SPACA7: variants seen among roughly 807,000 people sequenced by gnomAD.
The protein encoded by SPACA7 is sperm acrosome associated 7.
A neutral mutation model predicts 26.3 loss-of-function variants in SPACA7; 19 were observed. That is an observed-to-expected ratio of 0.72 (90% confidence interval 0.50 to 1.06). The LOEUF (loss-of-function observed/expected upper bound fraction) is 1.06, where lower values mean the gene tolerates loss of function less well. Ranked by LOEUF, SPACA7 falls within the 50% of genes least tolerant of loss-of-function variation. SPACA7 has a pLI of 0.00. For synonymous variants in SPACA7, 84 were observed against 84.5 expected (o/e 0.99, Z 0.04); for missense variants, 211 against 229.9 (o/e 0.92, Z 0.53).
chr13:112,378,708 G>C (rs894928374), intron 1 of SPACA7: 2 of 471,046 alleles, frequency 4.2e-6, no homozygotes, highest in Non-Finnish European at 8.8e-6. Flanking sequence ...CTGTGGGATG[G>C]GGACCCGGTG....
At chr13:112,400,475 G>GC (rs1222602614) in intron 4 of SPACA7, among the ~76,000 whole-genome samples, 1 of 152,128 alleles carries the variant, frequency 6.6e-6, no homozygotes, top group Non-Finnish European at 1.5e-5. Flanking sequence ...GTATTCGGTT[G>GC]CTTATTACTG....
chr13:112,405,026 A>G (rs904316761), intron 5 of SPACA7, among the ~76,000 whole-genome samples: 1 of 129,240 alleles, frequency 7.7e-6, no homozygotes, highest in South Asian at 2.5e-4. Context: ...TGTGTCGCCC[A>G]GGCAGGAGTG....
intron 5 of SPACA7, among the ~76,000 whole-genome samples, chr13:112,406,463 A>G (rs553436571): frequency 5.0e-4 from 76 of 152,370 alleles, no homozygotes; most frequent in Non-Finnish European, 9.6e-4. Flanking sequence ...TGGAAATTAC[A>G]TATCTGATAG....
intron 4 of SPACA7, 34 bp from the exon 5 acceptor site, chr13:112,401,035 A>AT: frequency 1.3e-6 from 2 of 1,529,362 alleles, no homozygotes; most frequent in Non-Finnish European, 9.1e-7. Context: ...AATCAAGGAC[A>AT]TTTTCCCCAT....
chr13:112,414,388 CTTTTTTTTTTTTTTTTTTTTTTTT>C (rs869183760), intron 5 of SPACA7, among the ~76,000 whole-genome samples: 3 of 31,396 alleles, frequency 9.6e-5, no homozygotes, highest in Non-Finnish European at 1.7e-4. Flanking sequence ...TTTTCTGTGT[CTTTTTTTTTTTTTTTTTTTTTTTT>C]TTTTTTTTTT....
intron 5 of SPACA7, among the ~76,000 whole-genome samples, chr13:112,407,220 A>G (rs1242043309): frequency 1.3e-5 from 2 of 152,170 alleles, no homozygotes; most frequent in Admixed American, 1.3e-4. Context: ...TTAAAGCAGT[A>G]TGTAGAGGGA....
intron 1 of SPACA7, among the ~76,000 whole-genome samples, chr13:112,379,860 GATC>G (rs1447785224): frequency 6.6e-6 from 1 of 152,104 alleles, no homozygotes; most frequent in Non-Finnish European, 1.5e-5. Flanking sequence ...GGTTAAATAG[GATC>G]ATAAGTTACT....
chr13:112,427,208 C>G (rs1053077783), intron 5 of SPACA7, among the ~76,000 whole-genome samples: 2 of 152,146 alleles, frequency 1.3e-5, no homozygotes, highest in Non-Finnish European at 2.9e-5. Context: ...CTCTGTTCCT[C>G]GAGCCTGCCA....
At chr13:112,395,247 A>G (rs9577356) in intron 2 of SPACA7, among the ~76,000 whole-genome samples, 16,536 of 152,166 alleles carry the variant, frequency 0.11, 2,150 homozygotes, top group African/African-American at 0.3. Context: ...GTGAGGGAGC[A>G]TGTGTGGCTT....
chr13:112,388,999 A>G (rs1884709350), intron 1 of SPACA7, among the ~76,000 whole-genome samples: 1 of 152,136 alleles, frequency 6.6e-6, no homozygotes. Context: ...TATCTCAAGC[A>G]CTGATCTTAG....
Position 112,418,556 on chromosome 13 carries a change from T to C in SPACA7, c.446-13888T>C, listed in dbSNP as rs575500200. ...TAGCTAATCTGTGAAACCAGCATGA[T>C]AGGAAGTCTCATCTGGTGACACTTT... is the stretch of plus-strand genomic sequence containing the variant. On this transcript the variant is annotated intron_variant, in intron 5 of 6. Transcript: ENST00000283550. Among the ~76,000 whole-genome samples, 15 of 152,274 alleles carry C rather than the reference T, an allele frequency of 9.9e-5. No homozygotes were observed. The South Asian group carries it at 3.1e-3, about 32-fold the overall frequency.
intron 5 of SPACA7, among the ~76,000 whole-genome samples, chr13:112,424,760 G>A (rs1422868209): frequency 6.6e-6 from 1 of 152,126 alleles, no homozygotes; most frequent in East Asian, 1.9e-4. Context: ...TAAGATGACA[G>A]GAACACAAGA....
intron 5 of SPACA7, among the ~76,000 whole-genome samples, chr13:112,426,583 GT>G (rs1274825613): frequency 1.3e-5 from 2 of 152,118 alleles, no homozygotes; most frequent in African/African-American, 4.8e-5. Context: ...ACTTTTCGTA[GT>G]TTTTAGCATA....
chr13:112,428,481 G>A (rs1216104847), intron 5 of SPACA7, among the ~76,000 whole-genome samples: 1 of 152,194 alleles, frequency 6.6e-6, no homozygotes, highest in Non-Finnish European at 1.5e-5. Flanking sequence ...ATGGGAGGCT[G>A]AGGCAGGAGA....
chr13:112,423,502 C>A (rs539662939), intron 5 of SPACA7, among the ~76,000 whole-genome samples: 1 of 151,840 alleles, frequency 6.6e-6, no homozygotes, highest in East Asian at 1.9e-4. Context: ...AGTGGAACAG[C>A]AGATCTGTCA....
intron 5 of SPACA7, among the ~76,000 whole-genome samples, chr13:112,407,902 C>A (rs1886093150): frequency 6.6e-6 from 1 of 152,110 alleles, no homozygotes; most frequent in South Asian, 2.1e-4. Flanking sequence ...CAAAGGCTGA[C>A]AGAGACACAA....
intron 5 of SPACA7, among the ~76,000 whole-genome samples, chr13:112,420,573 ATGGGTAAATACC>A (rs889571009): frequency 1.3e-5 from 2 of 152,332 alleles, no homozygotes; most frequent in East Asian, 3.9e-4. Flanking sequence ...CCAAAGAGTT[ATGGGTAAATACC>A]TCATTTCCTC....
chr13:112,431,038 GC>G (rs1264528828), intron 5 of SPACA7, among the ~76,000 whole-genome samples: 5 of 152,212 alleles, frequency 3.3e-5, no homozygotes, highest in African/African-American at 1.2e-4. Flanking sequence ...CACAGTTGTG[GC>G]CTCCAGGAGG....
intron 5 of SPACA7, among the ~76,000 whole-genome samples, chr13:112,407,776 T>C (rs1296610597): frequency 6.6e-6 from 1 of 152,198 alleles, no homozygotes; most frequent in Non-Finnish European, 1.5e-5. Flanking sequence ...CACAGCCGAA[T>C]TCTACCAGAG....
Sources: allele counts gnomAD v4.1 joint callset (sites outside exome capture counted in the v4.1 genomes callset), GRCh38; gene constraint gnomAD v4.1.1; transcripts MANE v1.5; gene names NCBI Gene and HGNC (gene_info 2026-07-23, HGNC 2026-07-21).